The following PLXNA2 variants were observed in gnomAD, a reference collection of about 807,000 sequenced individuals.
The protein encoded by PLXNA2 is plexin-A2.
A neutral mutation model predicts 193.5 loss-of-function variants in PLXNA2; 91 were observed. The observed-to-expected ratio is 0.47, with a 90% CI of 0.40 to 0.56. The LOEUF (loss-of-function observed/expected upper bound fraction) is 0.56, where lower values mean the gene tolerates loss of function less well. Ranked by LOEUF, PLXNA2 falls within the 20% of genes least tolerant of loss-of-function variation. The pLI, the probability that PLXNA2 is intolerant of heterozygous loss-of-function variation, is 0.00. For synonymous variants in PLXNA2, 997 were observed against 1,027.3 expected, an observed-to-expected ratio of 0.97 and a Z score of 0.56; for missense variants, 1,995 against 2,503.2, an observed-to-expected ratio of 0.80 and a Z score of 4.33.
At chr1:208,112,692 A>AATT (rs1315063310) in intron 4 of PLXNA2, among the ~76,000 whole-genome samples, 1 of 152,002 alleles carries the variant, frequency 6.6e-6, no homozygotes, top group African/African-American at 2.4e-5. Context: ...ACATGGGGAG[A>AATT]ATTATGTCTG....
intron 4 of PLXNA2, among the ~76,000 whole-genome samples, chr1:208,136,486 C>T (rs1668304190): frequency 6.6e-6 from 1 of 152,154 alleles, no homozygotes; most frequent in Admixed American, 6.5e-5. Context: ...ATAGGTATTC[C>T]CTTTCTGGCC....
At chr1:208,114,436 T>A (rs1375626251) in intron 4 of PLXNA2, among the ~76,000 whole-genome samples, 1 of 152,240 alleles carries the variant, frequency 6.6e-6, no homozygotes, top group Non-Finnish European at 1.5e-5. Context: ...CCTTCTTCAC[T>A]GCACCAGGTC....
At chr1:208,117,440 C>G (rs898316493) in intron 4 of PLXNA2, among the ~76,000 whole-genome samples, 1 of 152,022 alleles carries the variant, frequency 6.6e-6, no homozygotes, top group African/African-American at 2.4e-5. Context: ...GATGTGGACA[C>G]CTTAGGAGGG....
Position 208,082,779 on chromosome 1 carries a change from C to T in PLXNA2, c.2299-271G>A, listed in dbSNP as rs1159525004. Among the ~76,000 whole-genome samples, 2 of 152,140 alleles carry T rather than the reference C, an allele frequency of 1.3e-5. No individual in the cohort carries two copies. Among genetic ancestry groups the T allele is most frequent in the African/African-American group, 2.4e-5 (1 of 41,432 alleles). Reference sequence around the variant, plus strand: ...CTTTCTCCAAACACATCTTCTTAAGCCCCTCTCTGTCTTTGTTGAGTTCCT... The same window carrying T: ...CTTTCTCCAAACACATCTTCTTAAGTCCCTCTCTGTCTTTGTTGAGTTCCT... On this transcript the variant is annotated intron_variant, in intron 10 of 31. Coordinates refer to ENST00000367033, the MANE Select transcript of PLXNA2 (RefSeq NM_025179.4). The surrounding 1 kb of genome is among the most constrained non-coding windows in gnomAD (Gnocchi z 4.2).
rs116035642 is a variant in PLXNA2, at chr1:208,081,313, G to A, written c.2395+1099C>T. 8.5e-3 allele frequency among the ~76,000 whole-genome samples: 1,288 copies of A among 152,338 alleles called. 11 individuals carry two copies. Among genetic ancestry groups the A allele is most frequent in the East Asian group, 0.024 (122 of 5,184 alleles). ...GCAGCATTTGGGACAGGGAGCTACA[G>A]CCCTAAAGATGCTGAAAAACTTGCA... is the stretch of plus-strand genomic sequence containing the variant. On this transcript the variant is annotated intron_variant, in intron 11 of 31. Transcript: ENST00000367033.
intron 3 of PLXNA2, among the ~76,000 whole-genome samples, chr1:208,174,291 G>A (rs964422949): frequency 6.6e-6 from 1 of 152,118 alleles, no homozygotes; most frequent in Non-Finnish European, 1.5e-5. Context: ...TGTGGGGTTG[G>A]GGGCTGGAGA....
At chr1:208,163,529 G>A (rs1283461043) in intron 3 of PLXNA2, among the ~76,000 whole-genome samples, 1 of 152,206 alleles carries the variant, frequency 6.6e-6, no homozygotes, top group African/African-American at 2.4e-5. Flanking sequence ...GGGAAATGTG[G>A]ATGGGTGGCC....
At chr1:208,117,750 T>C (rs1349837351) in intron 4 of PLXNA2, among the ~76,000 whole-genome samples, 2 of 152,004 alleles carry the variant, frequency 1.3e-5, no homozygotes, top group East Asian at 3.9e-4. Flanking sequence ...CTCTGACCCC[T>C]CTCCTTTCTA....
chr1:208,191,206 G>A (rs985843146), intron 3 of PLXNA2, among the ~76,000 whole-genome samples: 4 of 152,178 alleles, frequency 2.6e-5, no homozygotes, highest in African/African-American at 9.7e-5. Context: ...AATCCCGGAG[G>A]TCCTGCCTCA....
At chr1:208,048,610 TAAATGAGTCCTGGTGAGGG>T (rs1245427942) in intron 17 of PLXNA2, among the ~76,000 whole-genome samples, 1 of 152,166 alleles carries the variant, frequency 6.6e-6, no homozygotes, top group African/African-American at 2.4e-5. Flanking sequence ...CCCAGTACTG[TAAATGAGTCCTGGTGAGGG>T]AGCAGGGGGC....
intron 3 of PLXNA2, among the ~76,000 whole-genome samples, chr1:208,188,550 A>G (rs1670076914): frequency 6.6e-6 from 1 of 152,086 alleles, no homozygotes; most frequent in South Asian, 2.1e-4. Flanking sequence ...CTCTACTAAA[A>G]ATACAAAAAT....
chr1:208,098,456 TCTCACACA>T (rs1401672965), intron 6 of PLXNA2, among the ~76,000 whole-genome samples: 28 of 109,102 alleles, frequency 2.6e-4, no homozygotes, highest in African/African-American at 9.6e-4. Flanking sequence ...TCTCTCTCTC[TCTCACACA>T]CACACACACA....
In PLXNA2 at chr1:208,082,307, G is replaced by A. The variant is rs1384337478; in HGVS notation, c.2395+105C>T. On this transcript the variant is annotated intron_variant, in intron 11 of 31. Transcript: ENST00000367033. The surrounding 1 kb of genome is among the most constrained non-coding windows in gnomAD (Gnocchi z 4.2). Reference sequence around the variant, plus strand: ...CTGAAGAGTTCCGCCGACAGAGGGAGTGTATTATTCATGGCACAGCGGCTG... The same window carrying A: ...CTGAAGAGTTCCGCCGACAGAGGGAATGTATTATTCATGGCACAGCGGCTG... The A allele has an allele frequency of 1.2e-6, 1 of 819,752 alleles. No individual in the cohort carries two copies. Among genetic ancestry groups the A allele is most frequent in the Non-Finnish European group, 2.1e-6 (1 of 484,132 alleles). 50.8% of individuals were successfully genotyped at this position (819,752 alleles called of 1,614,324 possible). A position where few individuals can be genotyped will look rare whatever the true frequency, so the allele number is the denominator to read the frequency against.
At chr1:208,049,209 G>A (rs181228657) in intron 17 of PLXNA2, among the ~76,000 whole-genome samples, 108 of 152,174 alleles carry the variant, frequency 7.1e-4, no homozygotes, top group South Asian at 1.7e-3. Context: ...CTCTTCTCTT[G>A]GGATTTGATC....
In PLXNA2 at chr1:208,038,427, T is replaced by C; in HGVS notation, c.4708A>G (p.Ile1570Val). 6.2e-7 allele frequency: 1 copy of C among 1,614,150 alleles called. No individual in the cohort carries two copies. The highest frequency in any genetic ancestry group is 8.5e-7 in the Non-Finnish European group (1 of 1,180,018). ...IARVVLQDEDITTKIEGDWKR... is the reference protein window; with the variant it reads ...IARVVLQDEDVTTKIEGDWKR... Reference sequence around the variant, plus strand: ...CAGTCACCCTCAATCTTGGTGGTGATGTCCTCATCTTGCAGCACGACCCGG... The same window carrying C: ...CAGTCACCCTCAATCTTGGTGGTGACGTCCTCATCTTGCAGCACGACCCGG... Residue 1570 changes from isoleucine to valine, a missense_variant, in exon 26 of 32, where the codon ATC becomes GTC. Around this residue, in one of 3 missense-constraint regions of PLXNA2, gnomAD observed 1,291 missense variants for 1,673.6 expected, o/e 0.77. Transcript: ENST00000367033. The surrounding 1 kb of genome is among the most constrained non-coding windows in gnomAD (Gnocchi z 4.1).
At chr1:208,036,747 C>G (rs1664681013) in intron 26 of PLXNA2, among the ~76,000 whole-genome samples, 1 of 152,158 alleles carries the variant, frequency 6.6e-6, no homozygotes. Flanking sequence ...TATTTGAGGA[C>G]TGAATGCATA....
At chr1:208,131,648 T>C (rs188689252) in intron 4 of PLXNA2, among the ~76,000 whole-genome samples, 1 of 152,278 alleles carries the variant, frequency 6.6e-6, no homozygotes, top group East Asian at 1.9e-4. Flanking sequence ...TGAGCTGATA[T>C]GGGTTTGCAT....
At chr1:208,242,775 T>C (rs1224826843) in intron 1 of PLXNA2, among the ~76,000 whole-genome samples, 1 of 152,172 alleles carries the variant, frequency 6.6e-6, no homozygotes, top group Non-Finnish European at 1.5e-5. Flanking sequence ...AAAATGGTAG[T>C]TTCTGGTGAC....
intron 12 of PLXNA2, among the ~76,000 whole-genome samples, chr1:208,071,784 A>G (rs1249957456): frequency 4.6e-5 from 7 of 152,224 alleles, no homozygotes; most frequent in African/African-American, 1.4e-4. Context: ...TAAATGAACG[A>G]AAGATCAGAG....
Sources: allele counts gnomAD v4.1 joint callset (sites outside exome capture counted in the v4.1 genomes callset), GRCh38; gene constraint gnomAD v4.1.1; regional missense constraint gnomAD v4.1.1; non-coding constraint Gnocchi (gnomAD v3.1); transcripts MANE v1.5; gene names NCBI Gene and HGNC (gene_info 2026-07-23, HGNC 2026-07-21).